STRADA: variants seen among roughly 807,000 people sequenced by gnomAD.
STRADA encodes the protein STE20 related adaptor alpha, also known as STE20-related kinase adapter protein alpha.
STRADA carries 26 observed loss-of-function variants against 55.0 expected under a neutral mutation model. That is an observed-to-expected ratio of 0.47 (90% CI 0.35 to 0.66). The LOEUF (loss-of-function observed/expected upper bound fraction) is 0.66. Among genes scored for constraint, STRADA ranks in the 30% least tolerant of loss-of-function variants. The pLI, the probability that STRADA is intolerant of heterozygous loss-of-function variation, is 0.01. For missense variants in STRADA, 443 were observed against 549.7 expected (o/e 0.81, Z 1.94); for synonymous variants, 197 against 210.9 (o/e 0.93, Z 0.57).
intron 10 of STRADA, chr17:63,705,412 C>G (rs2143748497): frequency 6.2e-6 from 1 of 161,636 alleles, no homozygotes; most frequent in East Asian, 1.8e-4. Flanking sequence ...ACTTCTTGTT[C>G]CTCCTCAGTC....
At chr17:63,740,135 CAT>C (rs1228869564) in intron 1 of STRADA, among the ~76,000 whole-genome samples, 1,891 of 54,062 alleles carry the variant, frequency 0.035, 102 homozygotes, top group African/African-American at 0.053. Flanking sequence ...TATACACATA[CAT>C]ATATATATAT....
intron 4 of STRADA, among the ~76,000 whole-genome samples, chr17:63,720,771 TAAAAAA>T (rs777238779): frequency 1.8e-5 from 2 of 108,906 alleles, no homozygotes; most frequent in African/African-American, 7.0e-5. Flanking sequence ...CGAGACTGTT[TAAAAAA>T]AAAAAAAAAA....
Position 63,728,383 on chromosome 17 carries a change from G to T in STRADA, c.-14C>A. The T allele has an allele frequency of 6.2e-7, 1 of 1,608,358 alleles. No homozygotes were observed. ...AAGAAATGACATGAGTTCCTACTGT[G>T]TAGGCCTACTTCAGTTTCAAAAACT... On this transcript the variant is annotated 5_prime_UTR_variant, in exon 2 of 13. Coordinates refer to ENST00000336174, the MANE Select transcript of STRADA (RefSeq NM_001003787.4).
At chr17:63,726,808 TAC>T (rs2037695100) in intron 2 of STRADA, 113 bp from the exon 3 acceptor site, 1 of 1,013,328 alleles carries the variant, frequency 9.9e-7, no homozygotes, top group Middle Eastern at 2.1e-4. Context: ...AATCATGCAG[TAC>T]AGTTAGGAAT....
chr17:63,739,441 A>G (rs1474748268), intron 1 of STRADA, among the ~76,000 whole-genome samples: 5 of 152,116 alleles, frequency 3.3e-5, no homozygotes, highest in Middle Eastern at 3.4e-3. Context: ...ATCCTCCTGC[A>G]TCAGCCTCCC....
intron 6 of STRADA, among the ~76,000 whole-genome samples, chr17:63,711,644 A>G (rs1194136843): frequency 6.6e-6 from 1 of 152,032 alleles, no homozygotes; most frequent in Admixed American, 6.5e-5. Context: ...CTATTATAAA[A>G]GAAAACATGG....
At chr17:63,726,599 A>G in intron 3 of STRADA, 39 bp downstream of exon 3, 1 of 1,589,686 alleles carries the variant, frequency 6.3e-7, no homozygotes, top group Non-Finnish European at 8.6e-7. Context: ...AGTGATTTTT[A>G]TATCCTGAAG....
rs2037679751 is a variant in STRADA at position 63,726,640 on chromosome 17, C to A, written c.92G>T (p.Gly31Val). Reference sequence around the variant, plus strand: ...GCTAAATGCCATACTGTACTTACCTCCAAATAGTTCCAAATCTCTTAAGCC... The same window carrying A: ...GCTAAATGCCATACTGTACTTACCTACAAATAGTTCCAAATCTCTTAAGCC... ...VEGLRDLELF[G>V]EQPPGDTRRK... is the part of the protein sequence containing the mutation. The change falls in exon 3 of 13, where the codon GGA (glycine) becomes GTA (valine). Residue 31 changes from glycine (G) to valine (V), a missense_variant and splice_region_variant. Transcript: ENST00000336174. The A allele has an allele frequency of 6.2e-7, 1 of 1,614,072 alleles. No individual in the cohort carries two copies. Among genetic ancestry groups the A allele is most frequent in the African/African-American group, 1.3e-5 (1 of 75,060 alleles).
At chr17:63,713,568 A>G (rs368375648) in intron 5 of STRADA, 41 bp from the exon 6 acceptor site, 9 of 1,591,948 alleles carry the variant, frequency 5.7e-6, no homozygotes, top group Non-Finnish European at 7.7e-6. Flanking sequence ...GACAAGAACA[A>G]CAAAAGGTTT....
At chr17:63,704,934 A>C in intron 10 of STRADA, 3 of 1,532,652 alleles carry the variant, frequency 2.0e-6, no homozygotes, top group South Asian at 2.4e-5. Context: ...AGTCAGATGA[A>C]CCTGCTTTGA....
chr17:63,709,757 G>A (rs2058534994), intron 8 of STRADA, among the ~76,000 whole-genome samples: 2 of 152,048 alleles, frequency 1.3e-5, no homozygotes, highest in South Asian at 2.1e-4. Context: ...GTTATGTAGG[G>A]GTCCAGTTTT....
intron 1 of STRADA, among the ~76,000 whole-genome samples, chr17:63,739,780 A>AT (rs1192139059): frequency 5.5e-4 from 78 of 140,598 alleles, no homozygotes; most frequent in Non-Finnish European, 1.1e-3. Flanking sequence ...ATGTACATAT[A>AT]TACATATAAT....
At chr17:63,712,804 C>A (rs956773576) in intron 6 of STRADA, among the ~76,000 whole-genome samples, 4 of 151,936 alleles carry the variant, frequency 2.6e-5, no homozygotes, top group African/African-American at 9.7e-5. Context: ...AGTTTGAGAC[C>A]AGCCTGGCCA....
In STRADA at chr17:63,707,381, C is replaced by T. The variant is rs745739301; in HGVS notation, c.619G>A (p.Gly207Arg). The T allele has an allele frequency of 6.2e-6, 10 of 1,614,036 alleles. No individual in the cohort carries two copies. Among genetic ancestry groups the T allele is most frequent in the Non-Finnish European group, 8.5e-6 (10 of 1,180,040 alleles). ...CGCAAACCAGACAGGTAGACCTTCC[C>T]ATCCACAGAGATCAGGATGTGGCTG... ...KASHILISVD[G>R]KVYLSGLRSN... is the part of the protein sequence containing the mutation. Residue 207 changes from glycine to arginine, a missense_variant, in exon 9 of 13, where the codon GGG (glycine) becomes AGG (arginine). Physicochemically the swap from Gly to Arg is moderately radical, Grantham distance 125 (BLOSUM62 -2). Coordinates refer to ENST00000336174, the MANE Select transcript of STRADA (RefSeq NM_001003787.4).
At chr17:63,713,918 C>G in intron 5 of STRADA, 88 bp downstream of exon 5, 2 of 1,061,834 alleles carry the variant, frequency 1.9e-6, no homozygotes, top group Non-Finnish European at 2.9e-6. Context: ...TGGATGGCCT[C>G]TGCTGTACAC....
intron 1 of STRADA, among the ~76,000 whole-genome samples, chr17:63,740,123 T>C (rs2038801374): frequency 1.3e-5 from 1 of 78,422 alleles, no homozygotes; most frequent in Non-Finnish European, 2.3e-5. Flanking sequence ...CATACATATA[T>C]ATATACACAT....
intron 1 of STRADA, among the ~76,000 whole-genome samples, chr17:63,735,976 G>A (rs1275848103): frequency 6.6e-6 from 1 of 151,938 alleles, no homozygotes; most frequent in African/African-American, 2.4e-5. Flanking sequence ...TGGCTCTGTC[G>A]CCCAGGCCAG....
chr17:63,736,648 A>T (rs891180616), intron 1 of STRADA, among the ~76,000 whole-genome samples: 3 of 151,824 alleles, frequency 2.0e-5, no homozygotes, highest in Non-Finnish European at 4.4e-5. Flanking sequence ...AAATAATAAT[A>T]AAGTGGTGTG....
chr17:63,732,595 A>C (rs2038145885), intron 1 of STRADA, among the ~76,000 whole-genome samples: 1 of 152,206 alleles, frequency 6.6e-6, no homozygotes, highest in African/African-American at 2.4e-5. Context: ...CAGGAGTTCA[A>C]GACCAGTGTG....
Sources: gnomAD v4.1 joint callset for allele counts (sites outside exome capture counted in the v4.1 genomes callset) on GRCh38, gnomAD v4.1.1 for gene constraint, MANE v1.5 for transcripts, NCBI Gene and HGNC (gene_info 2026-07-23, HGNC 2026-07-21) for gene names.